Variants in MEOX2 observed in about 807,000 individuals in gnomAD.
MEOX2 encodes homeobox protein MOX-2.
Under a neutral mutation model 27.0 loss-of-function variants are expected in MEOX2, and 11 were observed. The observed-to-expected ratio is 0.41, with a 90% CI of 0.26 to 0.68. The LOEUF (loss-of-function observed/expected upper bound fraction) is 0.68, where lower values mean the gene tolerates loss of function less well. MEOX2 is among the 30% of genes least tolerant of loss of function. The pLI is 0.33. For missense variants in MEOX2, 436 were observed against 385.4 expected, an observed-to-expected ratio of 1.13 and a Z score of -1.10; for synonymous variants, 189 against 155.4, an observed-to-expected ratio of 1.22 and a Z score of -1.61.
intron 1 of MEOX2, among the ~76,000 whole-genome samples, chr7:15,675,287 C>G (rs1413546488): frequency 1.3e-5 from 2 of 151,958 alleles, no homozygotes; most frequent in African/African-American, 4.8e-5. Flanking sequence ...AAAATTGAAG[C>G]TAAGAAAGTT....
intron 1 of MEOX2, among the ~76,000 whole-genome samples, chr7:15,678,199 G>T (rs545847205): frequency 6.6e-6 from 1 of 152,116 alleles, no homozygotes. Flanking sequence ...AAATTCCCAC[G>T]TAAGCATAGC....
Position 15,671,878 on chromosome 7 carries a change from C to A in MEOX2, c.517+14008G>T, listed in dbSNP as rs572911629. Among the ~76,000 whole-genome samples, 11 of 152,118 alleles carry A rather than the reference C, an allele frequency of 7.2e-5. No individual in the cohort carries two copies. In the East Asian group the frequency reaches 2.1e-3, roughly 29 times the overall value. ...TCAAGACCAGCCTGGCCAATATGGT[C>A]TCTAATAATTGTACATCTCTATTAA... is the stretch of plus-strand genomic sequence containing the variant. On this transcript the variant is annotated intron_variant, in intron 1 of 2. Transcript: ENST00000262041.
At chr7:15,641,591 T>C (rs974912736) in intron 1 of MEOX2, among the ~76,000 whole-genome samples, 1 of 152,118 alleles carries the variant, frequency 6.6e-6, no homozygotes, top group African/African-American at 2.4e-5. Context: ...ATCTTTTAAG[T>C]GGGGCAGTTA....
chr7:15,668,697 A>ATG (rs1782049485), intron 1 of MEOX2, among the ~76,000 whole-genome samples: 1 of 152,060 alleles, frequency 6.6e-6, no homozygotes, highest in Non-Finnish European at 1.5e-5. Context: ...GCTCGTCTCG[A>ATG]ACTCCTGATC....
chr7:15,632,174 T>A (rs991252050), intron 1 of MEOX2, among the ~76,000 whole-genome samples: 2 of 151,842 alleles, frequency 1.3e-5, no homozygotes, highest in African/African-American at 4.8e-5. Context: ...TGGCTAGTAT[T>A]AGAACAAAGT....
intron 1 of MEOX2, among the ~76,000 whole-genome samples, chr7:15,639,089 C>G (rs1781524757): frequency 6.6e-6 from 1 of 152,086 alleles, no homozygotes; most frequent in African/African-American, 2.4e-5. Flanking sequence ...AATTTACATT[C>G]CCACCAACGG....
chr7:15,628,323 C>A (rs990465784), intron 1 of MEOX2, among the ~76,000 whole-genome samples: 7 of 152,012 alleles, frequency 4.6e-5, no homozygotes, highest in African/African-American at 1.4e-4. Flanking sequence ...TACTTTGATT[C>A]TTAGCAGTAT....
intron 2 of MEOX2, among the ~76,000 whole-genome samples, chr7:15,625,606 A>G (rs150740321): frequency 1.6e-4 from 24 of 152,286 alleles, no homozygotes; most frequent in African/African-American, 5.3e-4. Flanking sequence ...TTTGGTTCCA[A>G]TGGGATCCTG....
intron 1 of MEOX2, among the ~76,000 whole-genome samples, chr7:15,628,619 A>C (rs1781353481): frequency 1.3e-5 from 2 of 152,080 alleles, no homozygotes; most frequent in African/African-American, 4.8e-5. Context: ...ATTGCACTTT[A>C]TAGAAAGCCA....
At chr7:15,641,118 G>T (rs974847139) in intron 1 of MEOX2, among the ~76,000 whole-genome samples, 2 of 151,950 alleles carry the variant, frequency 1.3e-5, no homozygotes, top group African/African-American at 4.8e-5. Flanking sequence ...TGTATGTCTG[G>T]TAGAATTTGG....
At chr7:15,682,814 T>C (rs1023430559) in intron 1 of MEOX2, among the ~76,000 whole-genome samples, 8 of 151,922 alleles carry the variant, frequency 5.3e-5, no homozygotes, top group Non-Finnish European at 1.2e-4. Flanking sequence ...AGTTGTAAAG[T>C]TTTGATTTTT....
At chr7:15,639,700 G>A (rs1781531639) in intron 1 of MEOX2, among the ~76,000 whole-genome samples, 1 of 151,986 alleles carries the variant, frequency 6.6e-6, no homozygotes, top group African/African-American at 2.4e-5. Flanking sequence ...AGTTTTCCCG[G>A]AACCATTTAT....
intron 1 of MEOX2, among the ~76,000 whole-genome samples, chr7:15,630,527 T>C (rs1295466182): frequency 3.3e-5 from 5 of 152,020 alleles, no homozygotes; most frequent in Admixed American, 3.3e-4. Context: ...TTTACCTATG[T>C]CTGTAAAATA....
intron 1 of MEOX2, among the ~76,000 whole-genome samples, chr7:15,642,370 C>G (rs1293437799): frequency 2.0e-5 from 3 of 152,052 alleles, no homozygotes; most frequent in African/African-American, 7.2e-5. Flanking sequence ...AGTCTTCAAG[C>G]TCTGAATTTC....
intron 1 of MEOX2, among the ~76,000 whole-genome samples, chr7:15,675,381 T>C (rs1410569046): frequency 6.6e-6 from 1 of 152,180 alleles, no homozygotes; most frequent in Non-Finnish European, 1.5e-5. Flanking sequence ...TAATTTACAC[T>C]CAAGCAAAGC....
chr7:15,627,073 G>T (rs569686467), intron 1 of MEOX2, among the ~76,000 whole-genome samples, 155 bp from the exon 2 acceptor site: 1 of 151,814 alleles, frequency 6.6e-6, no homozygotes, highest in Non-Finnish European at 1.5e-5. Flanking sequence ...GCAGCTCAAC[G>T]GGGGGAGATA....
chr7:15,635,160 G>C (rs1222947262), intron 1 of MEOX2, among the ~76,000 whole-genome samples: 3 of 151,928 alleles, frequency 2.0e-5, no homozygotes, highest in Non-Finnish European at 4.4e-5. Flanking sequence ...CTCTACCTGA[G>C]AAAAGTGAGG....
At position 15,611,972 on chromosome 7, in the gene MEOX2, C is replaced by T. The variant is rs1447604335; in HGVS notation, c.*415G>A. The T allele has an allele frequency of 5.8e-6, 1 of 173,726 alleles. No homozygotes were observed. Among genetic ancestry groups the T allele is most frequent in the African/African-American group, 2.4e-5 (1 of 42,118 alleles). The allele number at this position is 173,726 out of a possible 1,614,324, so 10.8% of individuals were successfully genotyped here. A position where few individuals can be genotyped will look rare whatever the true frequency, so the allele number is the denominator to read the frequency against. On this transcript the variant is annotated 3_prime_UTR_variant, in exon 3 of 3. Coordinates refer to ENST00000262041, the MANE Select transcript of MEOX2 (RefSeq NM_005924.5). The stretch of plus-strand genomic sequence containing the variant: ...CAGTGCAAGCAAAAGCAAATACCTG[C>T]CCACTGTAATACACATGATCTCACA...
At chr7:15,653,651 T>C (rs1022556047) in intron 1 of MEOX2, among the ~76,000 whole-genome samples, 5 of 152,018 alleles carry the variant, frequency 3.3e-5, no homozygotes, top group African/African-American at 1.2e-4. Flanking sequence ...GATTTAATTT[T>C]TGTATAAGGT....
Sources: allele counts gnomAD v4.1 joint callset (sites outside exome capture counted in the v4.1 genomes callset), GRCh38; gene constraint gnomAD v4.1.1; transcripts MANE v1.5; gene names NCBI Gene and HGNC (gene_info 2026-07-23, HGNC 2026-07-21).